The following CBFB variants were observed in gnomAD, a reference collection of about 807,000 sequenced individuals.
CBFB encodes the protein core-binding factor subunit beta, also known as CBF-beta.
A neutral mutation model predicts 30.4 loss-of-function variants in CBFB; 9 were observed. The ratio of observed to expected loss-of-function variants is 0.30; its 90% CI spans 0.18 to 0.52. CBFB has a LOEUF of 0.52. Ranked by LOEUF, CBFB falls within the 20% of genes least tolerant of loss-of-function variation. The probability of loss-of-function intolerance (pLI) is 0.97; values close to 1 mark genes in which losing one functional copy is unlikely to be tolerated. For synonymous variants in CBFB, 94 were observed against 84.0 expected (o/e 1.12, Z -0.65); for missense variants, 170 against 244.0 (o/e 0.70, Z 2.02).
intron 5 of CBFB, among the ~76,000 whole-genome samples, chr16:67,096,914 C>T (rs540448541): frequency 3.4e-5 from 5 of 146,672 alleles, no homozygotes; most frequent in Admixed American, 2.1e-4. Flanking sequence ...TGCACTCCAG[C>T]GACTCCGTCT....
intron 5 of CBFB, among the ~76,000 whole-genome samples, chr16:67,092,005 C>T (rs1961898326): frequency 6.6e-6 from 1 of 152,154 alleles, no homozygotes. Context: ...TCCCAGTCAT[C>T]TATGTTTTAA....
In CBFB at chr16:67,086,024, GTTAA is replaced by G. The variant is rs144481288; in HGVS notation, c.495+3722_495+3725del. On this transcript the variant is annotated intron_variant, in intron 5 of 5. Coordinates refer to ENST00000412916, the MANE Select transcript of CBFB (RefSeq NM_022845.3). ...GATTGCTAGATCTCTTTGTCAGTGA[GTTAA>G]TTAATCTAATGGGCTGATAGCAGCT... 1.0e-3 allele frequency among the ~76,000 whole-genome samples: 152 copies of G among 152,262 alleles called. 1 individual carries two copies. The highest frequency in any genetic ancestry group is 3.5e-3 in the African/African-American group (145 of 41,552).
chr16:67,035,511 T>G (rs1005289010), intron 2 of CBFB, among the ~76,000 whole-genome samples: 1 of 152,228 alleles, frequency 6.6e-6, no homozygotes, highest in Non-Finnish European at 1.5e-5. Context: ...TTTAGAGATT[T>G]AGCATTTAGG....
At chr16:67,046,665 T>A (rs1170703372) in intron 3 of CBFB, among the ~76,000 whole-genome samples, 2 of 152,230 alleles carry the variant, frequency 1.3e-5, no homozygotes, top group Admixed American at 6.5e-5. Flanking sequence ...CATGCCCCCT[T>A]GCAGGTAGTG....
At chr16:67,082,434 T>G in intron 5 of CBFB, 126 bp downstream of exon 5, 1 of 1,179,600 alleles carries the variant, frequency 8.5e-7, no homozygotes, top group Non-Finnish European at 1.2e-6. Flanking sequence ...TTTAAAAAGT[T>G]GTACTCTCTG....
At chr16:67,046,319 T>A (rs1966626807) in intron 3 of CBFB, among the ~76,000 whole-genome samples, 1 of 152,128 alleles carries the variant, frequency 6.6e-6, no homozygotes, top group South Asian at 2.1e-4. Context: ...CAGGCTGGTC[T>A]CAAACTCCTG....
chr16:67,048,487 C>T (rs1381652546), intron 3 of CBFB, among the ~76,000 whole-genome samples: 1 of 152,150 alleles, frequency 6.6e-6, no homozygotes, highest in Non-Finnish European at 1.5e-5. Context: ...TAAGATATTA[C>T]ATGAAGTTAA....
intron 3 of CBFB, among the ~76,000 whole-genome samples, chr16:67,059,485 T>C (rs572316647): frequency 2.2e-4 from 33 of 152,286 alleles, no homozygotes; most frequent in Middle Eastern, 3.4e-3. Flanking sequence ...ATTAGAAAAA[T>C]GCACATGGGC....
In CBFB at chr16:67,100,033, T is replaced by C. The variant is rs1962172631; in HGVS notation, c.*1255T>C. Reference sequence around the variant, plus strand: ...CTTTTGAGATGAATTAATGTAAGAATATTTTTTAAATAGGCTTACTGTCAA... The same window carrying C: ...CTTTTGAGATGAATTAATGTAAGAACATTTTTTAAATAGGCTTACTGTCAA... On this transcript the variant is annotated 3_prime_UTR_variant, in exon 6 of 6. Coordinates refer to ENST00000412916, the MANE Select transcript of CBFB (RefSeq NM_022845.3). 4.8e-6 allele frequency: 1 copy of C among 210,468 alleles called. No homozygotes were observed. Among genetic ancestry groups the C allele is most frequent in the African/African-American group, 2.3e-5 (1 of 44,106 alleles). 13.0% of individuals were successfully genotyped at this position (210,468 alleles called of 1,614,324 possible). A position where few individuals can be genotyped will look rare whatever the true frequency, so the allele number is the denominator to read the frequency against.
intron 5 of CBFB, among the ~76,000 whole-genome samples, chr16:67,087,660 A>AATATAGTC (rs1455795044): frequency 2.6e-5 from 4 of 152,238 alleles, no homozygotes; most frequent in Non-Finnish European, 5.9e-5. Flanking sequence ...TATGAACAGA[A>AATATAGTC]ATATAGTCTG....
At chr16:67,087,943 G>C (rs542645217) in intron 5 of CBFB, among the ~76,000 whole-genome samples, 1 of 152,146 alleles carries the variant, frequency 6.6e-6, no homozygotes. Context: ...CATAATGCTG[G>C]TTCCAGTTAA....
At chr16:67,034,401 A>T (rs1016482550) in intron 2 of CBFB, among the ~76,000 whole-genome samples, 1 of 152,006 alleles carries the variant, frequency 6.6e-6, no homozygotes, top group South Asian at 2.1e-4. Flanking sequence ...TAATGTTTTC[A>T]TTTTGTTTAT....
At chr16:67,078,105 G>A (rs774465856) in intron 4 of CBFB, among the ~76,000 whole-genome samples, 1 of 152,194 alleles carries the variant, frequency 6.6e-6, no homozygotes, top group Non-Finnish European at 1.5e-5. Context: ...ATTAGCAGGT[G>A]CCCTTTATGC....
At position 67,051,414 on chromosome 16, in the gene CBFB, A is replaced by G. The variant is rs376604340; in HGVS notation, c.282+14659A>G. Among the ~76,000 whole-genome samples, 6 of 152,050 alleles carry G rather than the reference A, an allele frequency of 3.9e-5. No homozygotes were observed. In the East Asian group the frequency reaches 5.8e-4, roughly 15 times the overall value. Reference sequence around the variant, plus strand: ...TATATGGATCCAAAATGTAATATATATATGGATCCAAATATATGTATATAT... The same window carrying G: ...TATATGGATCCAAAATGTAATATATGTATGGATCCAAATATATGTATATAT... On this transcript the variant is annotated intron_variant, in intron 3 of 5. Coordinates refer to ENST00000412916, the MANE Select transcript of CBFB (RefSeq NM_022845.3).
At chr16:67,060,276 TAAAAA>T (rs1489071121) in intron 3 of CBFB, among the ~76,000 whole-genome samples, 1 of 152,138 alleles carries the variant, frequency 6.6e-6, no homozygotes. Context: ...CAGCAAACTT[TAAAAA>T]ATGACAGCTC....
rs117399134 is a variant in CBFB, at chr16:67,080,290, G to A, written c.400-1923G>A. ...AATGGAAGCAAGGAGAGACTGTTGA[G>A]GAGACTTTTGCAATGGTCTAAGTGA... On this transcript the variant is annotated intron_variant, in intron 4 of 5. Transcript: ENST00000412916. 6.2e-3 allele frequency among the ~76,000 whole-genome samples: 934 copies of A among 151,330 alleles called. 10 individuals carry two copies. The highest frequency in any genetic ancestry group is 0.011 in the Non-Finnish European group (742 of 67,560).
At position 67,099,750 on chromosome 16, in the gene CBFB, T is replaced by C. The variant is rs1039862321; in HGVS notation, c.*972T>C. 8.2e-5 allele frequency: 17 copies of C among 206,252 alleles called. No individual in the cohort carries two copies. The highest frequency in any genetic ancestry group is 3.9e-4 in the African/African-American group (17 of 43,756). The allele number at this position is 206,252 out of a possible 1,614,324, so 12.8% of individuals were successfully genotyped here. On this transcript the variant is annotated 3_prime_UTR_variant, in exon 6 of 6. Transcript: ENST00000412916. ...GAAAAGGGATACTGGAGCTTCTTCATGTATGTAACAGCATATTAAACTGGA... is the reference window on the plus strand; with the variant it reads ...GAAAAGGGATACTGGAGCTTCTTCACGTATGTAACAGCATATTAAACTGGA...
intron 4 of CBFB, among the ~76,000 whole-genome samples, chr16:67,078,168 T>G (rs1000911849): frequency 1.3e-5 from 2 of 152,254 alleles, no homozygotes; most frequent in Admixed American, 1.3e-4. Context: ...AGGATAATAC[T>G]GGTAATTGCT....
rs146811011 is a variant in CBFB, at chr16:67,082,384, G to A, written c.495+76G>A. The A allele has an allele frequency of 1.1e-4, 177 of 1,557,390 alleles. No individual in the cohort carries two copies. The African/African-American group carries it at 1.8e-3, about 16-fold the overall frequency. ...CTCTCAGGCTGTGTTTGTGATGTTT[G>A]TGCATAATGCTTTTTAATAGTTTAA... On this transcript the variant is annotated intron_variant, in intron 5 of 5. Coordinates refer to ENST00000412916, the MANE Select transcript of CBFB (RefSeq NM_022845.3).
Sources: allele counts gnomAD v4.1 joint callset (sites outside exome capture counted in the v4.1 genomes callset), GRCh38; gene constraint gnomAD v4.1.1; transcripts MANE v1.5; gene names NCBI Gene and HGNC (gene_info 2026-07-23, HGNC 2026-07-21).